The following ARL15 variants were observed in gnomAD, a reference collection of about 807,000 sequenced individuals.
ARL15 encodes ARF like GTPase 15.
Under a neutral mutation model 25.2 loss-of-function variants are expected in ARL15, and 19 were observed. That is an observed-to-expected ratio of 0.75 (90% CI 0.53 to 1.10). ARL15 has a LOEUF of 1.10. Ranked by LOEUF, ARL15 falls within the 50% of genes least tolerant of loss-of-function variation. The pLI, the probability that ARL15 is intolerant of heterozygous loss-of-function variation, is 0.00. For missense variants in ARL15, 220 were observed against 246.0 expected, an observed-to-expected ratio of 0.89 and a Z score of 0.71; for synonymous variants, 94 against 86.8, an observed-to-expected ratio of 1.08 and a Z score of -0.46.
intron 4 of ARL15, among the ~76,000 whole-genome samples, chr5:53,969,986 G>A (rs1747683192): frequency 6.6e-6 from 1 of 152,144 alleles, no homozygotes; most frequent in Non-Finnish European, 1.5e-5. Context: ...TACTGTAAAG[G>A]TGATTGCATG....
chr5:54,109,330 T>C (rs1444065248), intron 4 of ARL15, among the ~76,000 whole-genome samples: 1 of 151,998 alleles, frequency 6.6e-6, no homozygotes, highest in African/African-American at 2.4e-5. Flanking sequence ...GATATACTAT[T>C]TCTGAAAAAG....
At chr5:53,923,408 C>CG (rs1254281111) in intron 4 of ARL15, among the ~76,000 whole-genome samples, 4 of 152,062 alleles carry the variant, frequency 2.6e-5, no homozygotes, top group Non-Finnish European at 4.4e-5. Flanking sequence ...GCCTCCTTGT[C>CG]GGTGAAGGGC....
chr5:54,136,019 G>A (rs1339169744), intron 3 of ARL15, among the ~76,000 whole-genome samples: 1 of 152,134 alleles, frequency 6.6e-6, no homozygotes, highest in Non-Finnish European at 1.5e-5. Context: ...ATGTGGGGCA[G>A]AGTTTCAAGA....
At chr5:53,927,146 C>T (rs576901623) in intron 4 of ARL15, among the ~76,000 whole-genome samples, 131 of 152,278 alleles carry the variant, frequency 8.6e-4, no homozygotes, top group Non-Finnish European at 1.3e-3. Context: ...CGTTAATTTT[C>T]TAACTTGCAG....
In ARL15 at chr5:53,963,805, T is replaced by TCTCACACA. The variant is rs1407291151; in HGVS notation, c.463-77093_463-77092insTGTGTGAG. Among the ~76,000 whole-genome samples the TCTCACACA allele has an allele frequency of 5.9e-4, 85 of 143,242 alleles. 1 individual carries two copies. The highest frequency in any genetic ancestry group is 2.0e-3 in the African/African-American group (77 of 37,828). The allele number at this position is 143,242 out of a possible 152,430, so 94.0% of individuals were successfully genotyped here. ...CCTGGGAGACAAGAGTGAAACTCCA[T>TCTCACACA]CACACACACACACACACACACACAC... On this transcript the variant is annotated intron_variant, in intron 4 of 4. Coordinates refer to ENST00000504924, the MANE Select transcript of ARL15 (RefSeq NM_019087.3).
chr5:53,923,894 C>A (rs1449057450), intron 4 of ARL15, among the ~76,000 whole-genome samples: 4 of 151,848 alleles, frequency 2.6e-5, no homozygotes, highest in Admixed American at 6.6e-5. Context: ...AAATAAAAAA[C>A]CTGACTATTT....
At chr5:53,996,719 A>G (rs773631412) in intron 4 of ARL15, among the ~76,000 whole-genome samples, 3 of 152,054 alleles carry the variant, frequency 2.0e-5, no homozygotes, top group Non-Finnish European at 4.4e-5. Flanking sequence ...GCTACCTAAA[A>G]ATAGGTTTCT....
At chr5:54,226,024 C>T (rs764632658) in intron 1 of ARL15, among the ~76,000 whole-genome samples, 7 of 152,062 alleles carry the variant, frequency 4.6e-5, no homozygotes, top group Non-Finnish European at 8.8e-5. Context: ...AGCATTTAGC[C>T]CAATGTGATT....
intron 4 of ARL15, among the ~76,000 whole-genome samples, chr5:53,888,249 T>G (rs1376012057): frequency 6.7e-6 from 1 of 150,286 alleles, no homozygotes; most frequent in Non-Finnish European, 1.5e-5. Flanking sequence ...TGTTGTTGTT[T>G]TTCTTTTTTT....
At chr5:54,117,003 CTGGT>C (rs1379203055) in intron 3 of ARL15, among the ~76,000 whole-genome samples, 1 of 152,130 alleles carries the variant, frequency 6.6e-6, no homozygotes, top group Non-Finnish European at 1.5e-5. Flanking sequence ...CATTTCCCAA[CTGGT>C]TAATTCAATG....
At chr5:54,250,780 T>C (rs1757218938) in intron 1 of ARL15, among the ~76,000 whole-genome samples, 2 of 152,060 alleles carry the variant, frequency 1.3e-5, no homozygotes, top group Non-Finnish European at 2.9e-5. Flanking sequence ...TGAAACTAAC[T>C]GGAAATCCCA....
chr5:54,013,142 C>T (rs1749301322), intron 4 of ARL15, among the ~76,000 whole-genome samples: 1 of 152,200 alleles, frequency 6.6e-6, no homozygotes, highest in South Asian at 2.1e-4. Context: ...TTTAAGACAT[C>T]TCTATTAGTT....
chr5:53,893,330 G>A (rs898523862), intron 4 of ARL15, among the ~76,000 whole-genome samples: 3 of 123,730 alleles, frequency 2.4e-5, no homozygotes, highest in Admixed American at 2.3e-4. Context: ...ATTTAGGCTG[G>A]GCACGGTGGC....
chr5:54,163,249 C>T (rs1269779131), intron 2 of ARL15, among the ~76,000 whole-genome samples: 2 of 151,254 alleles, frequency 1.3e-5, no homozygotes, highest in Non-Finnish European at 2.9e-5. Flanking sequence ...ATAAATGTCA[C>T]ATGTTCATGA....
At chr5:53,975,654 G>A (rs527708380) in intron 4 of ARL15, among the ~76,000 whole-genome samples, 2 of 152,314 alleles carry the variant, frequency 1.3e-5, no homozygotes, top group Admixed American at 6.5e-5. Flanking sequence ...AATGCCAAGG[G>A]TCCTATTGAG....
intron 4 of ARL15, among the ~76,000 whole-genome samples, chr5:53,980,557 A>T (rs533962643): frequency 7.2e-5 from 11 of 152,366 alleles, no homozygotes; most frequent in Non-Finnish European, 2.9e-5. Flanking sequence ...GGATGGAGAC[A>T]TGTGAGAAAT....
chr5:53,990,566 G>A (rs530252766), intron 4 of ARL15, among the ~76,000 whole-genome samples: 27 of 152,262 alleles, frequency 1.8e-4, no homozygotes, highest in African/African-American at 5.5e-4. Flanking sequence ...AGCTTGGTGC[G>A]TTCAAAGAGA....
chr5:54,275,127 C>T (rs1360082097), intron 1 of ARL15, among the ~76,000 whole-genome samples: 1 of 152,172 alleles, frequency 6.6e-6, no homozygotes, highest in Non-Finnish European at 1.5e-5. Context: ...CAACACAAAA[C>T]CAGTCTTGCT....
At chr5:54,222,983 A>ATT (rs35959438) in intron 1 of ARL15, among the ~76,000 whole-genome samples, 5,585 of 126,970 alleles carry the variant, frequency 0.044, 179 homozygotes, top group Admixed American at 0.074. Context: ...CTATGCCTGG[A>ATT]TTTTTTTTTT....
Sources: allele counts gnomAD v4.1 joint callset (sites outside exome capture counted in the v4.1 genomes callset), GRCh38; gene constraint gnomAD v4.1.1; transcripts MANE v1.5; gene names NCBI Gene and HGNC (gene_info 2026-07-23, HGNC 2026-07-21).